Variants in ATM observed in about 807,000 individuals in gnomAD.
The protein encoded by ATM is serine-protein kinase ATM.
A neutral mutation model predicts 387.0 loss-of-function variants in ATM; 308 were observed. The observed-to-expected ratio is 0.80, with a 90% confidence interval of 0.73 to 0.87. ATM has a LOEUF of 0.87. Ranked by LOEUF, ATM falls within the 40% of genes least tolerant of loss-of-function variation. The pLI, the probability that ATM is intolerant of heterozygous loss-of-function variation, is 0.00. For synonymous variants in ATM, 1,156 were observed against 1,187.3 expected, an observed-to-expected ratio of 0.97 and a Z score of 0.54; for missense variants, 3,312 against 3,560.9, an observed-to-expected ratio of 0.93 and a Z score of 1.78.
chr11:108,305,691 A>G (rs1391911268), intron 37 of ATM, among the ~76,000 whole-genome samples: 1 of 152,168 alleles, frequency 6.6e-6, no homozygotes, highest in African/African-American at 2.4e-5. Context: ...CTTATAACCT[A>G]CTTTCCTTCT....
At chr11:108,250,619 A>G in intron 9 of ATM, 82 bp from the exon 10 acceptor site, 1 of 1,390,046 alleles carries the variant, frequency 7.2e-7, no homozygotes, top group Non-Finnish European at 1.0e-6. Context: ...GGATATTGTA[A>G]GAGTACCATG....
In ATM at chr11:108,325,408, TGG is replaced by T; in HGVS notation, c.6672_6673del (p.Met2224IlefsTer24). 1 of 1,613,858 alleles carries T rather than the reference TGG, an allele frequency of 6.2e-7. No individual in the cohort carries two copies. Among genetic ancestry groups the T allele is most frequent in the Middle Eastern group, 1.7e-4 (1 of 6,058 alleles). On this transcript the variant is annotated frameshift_variant, in exon 46 of 63. Coordinates refer to ENST00000675843, the MANE Select transcript of ATM (RefSeq NM_000051.4). LOFTEE classifies it high-confidence loss of function. ...GATTTTAGTTTTCAGGAGCCTATCA[TGG>T]CTCTACGCACAGTCATTTTGGAGAT...
rs1350528190 is a variant in ATM, at chr11:108,250,742, G to A, written c.1277G>A (p.Ser426Asn). Reference sequence around the variant, plus strand: ...CAATTAATATCAAAGTATCCTGCAAGTTTACCTAACTGTGAGCTGTCTCCA... The same window carrying A: ...CAATTAATATCAAAGTATCCTGCAAATTTACCTAACTGTGAGCTGTCTCCA... ...ATQLISKYPA[S>N]LPNCELSPLL... Residue 426 changes from serine to asparagine, a missense_variant, in exon 10 of 63, where the codon AGT (serine) becomes AAT (asparagine). Physicochemically the swap from Ser to Asn is conservative, Grantham distance 46. Coordinates refer to ENST00000675843, the MANE Select transcript of ATM (RefSeq NM_000051.4). 6.2e-7 allele frequency: 1 copy of A among 1,606,740 alleles called. No homozygotes were observed. Among genetic ancestry groups the A allele is most frequent in the Admixed American group, 1.7e-5 (1 of 59,328 alleles).
chr11:108,333,359 G>C (rs1242787044), intron 53 of ATM, among the ~76,000 whole-genome samples: 1 of 152,070 alleles, frequency 6.6e-6, no homozygotes, highest in Non-Finnish European at 1.5e-5. Context: ...ATAATTACAA[G>C]CTGCTATATA....
At chr11:108,327,169 C>A (rs1404539674) in intron 47 of ATM, among the ~76,000 whole-genome samples, 1 of 152,152 alleles carries the variant, frequency 6.6e-6, no homozygotes, top group East Asian at 1.9e-4. Context: ...TGTATAGCAT[C>A]TTCTGTTATT....
chr11:108,304,489 T>G (rs1389738004), intron 36 of ATM, among the ~76,000 whole-genome samples, 186 bp from the exon 37 acceptor site: 3 of 152,186 alleles, frequency 2.0e-5, no homozygotes, highest in Non-Finnish European at 4.4e-5. Flanking sequence ...CTAGTGTGGT[T>G]TTTTAAACAC....
At chr11:108,345,968 G>T (rs1476557809) in intron 58 of ATM, 60 bp downstream of exon 58, 4 of 1,592,556 alleles carry the variant, frequency 2.5e-6, no homozygotes, top group South Asian at 2.2e-5. Flanking sequence ...TTTTATTTTT[G>T]TTTGATTCAG....
At chr11:108,346,298 TATC>T (rs1223798883) in intron 58 of ATM, among the ~76,000 whole-genome samples, 1 of 151,906 alleles carries the variant, frequency 6.6e-6, no homozygotes, top group East Asian at 1.9e-4. Flanking sequence ...AACCTCTAAA[TATC>T]ATCACCTAGT....
rs1167770412 is a variant in ATM, at chr11:108,289,892, G to A, written c.4436+91G>A. 2.7e-5 allele frequency: 34 copies of A among 1,277,534 alleles called. No homozygotes were observed. The Admixed American group carries it at 6.6e-4, about 25-fold the overall frequency. 79.1% of individuals were successfully genotyped at this position (1,277,534 alleles called of 1,614,324 possible). A position where few individuals can be genotyped will look rare whatever the true frequency, so the allele number is the denominator to read the frequency against. ...TTGTTTTGTTTTGTTTTGAGACAAA[G>A]ACTCACTCTGTCCGCCCAGGCTGGG... On this transcript the variant is annotated intron_variant, in intron 29 of 62. Coordinates refer to ENST00000675843, the MANE Select transcript of ATM (RefSeq NM_000051.4).
At chr11:108,354,047 A>G (rs1320114784) in intron 60 of ATM, among the ~76,000 whole-genome samples, 167 bp downstream of exon 60, 1 of 142,894 alleles carries the variant, frequency 7.0e-6, no homozygotes, top group Non-Finnish European at 1.5e-5. Context: ...AAGACCCTGT[A>G]TCTAAAAAAA....
chr11:108,271,517 C>A, intron 20 of ATM, 111 bp downstream of exon 20: 1 of 1,268,622 alleles, frequency 7.9e-7, no homozygotes, highest in East Asian at 2.3e-5. Context: ...ATAGCTAATA[C>A]ATCTTTTAAG....
At chr11:108,359,260 T>C (rs1192926082) in intron 61 of ATM, among the ~76,000 whole-genome samples, 1 of 151,496 alleles carries the variant, frequency 6.6e-6, no homozygotes, top group Admixed American at 6.6e-5. Context: ...CCTAAATATA[T>C]ATGCACCCAA....
In ATM at chr11:108,301,777, A is replaced by AAGACCT; in HGVS notation, c.5307_5308insAGACCT (p.Thr1769_Ser1770insArgPro). The AAGACCT allele has an allele frequency of 6.2e-7, 1 of 1,613,572 alleles. No homozygotes were observed. The highest frequency in any genetic ancestry group is 8.5e-7 in the Non-Finnish European group (1 of 1,179,658). On this transcript the variant is annotated inframe_insertion, in exon 35 of 63. Coordinates refer to ENST00000675843, the MANE Select transcript of ATM (RefSeq NM_000051.4). ...TGGCCTATCTACAGCCTTTTAGAAC[A>AAGACCT]TCAAGAAAAAAGGTCTCTTAAGTAA...
At chr11:108,349,080 A>G (rs552791174) in intron 59 of ATM, among the ~76,000 whole-genome samples, 1 of 152,316 alleles carries the variant, frequency 6.6e-6, no homozygotes, top group South Asian at 2.1e-4. Context: ...AGACCTAAAG[A>G]TGAAATCATA....
intron 61 of ATM, among the ~76,000 whole-genome samples, chr11:108,357,142 G>GA (rs2090062591): frequency 6.6e-6 from 1 of 152,256 alleles, no homozygotes; most frequent in South Asian, 2.1e-4. Flanking sequence ...GGAAGCGCAA[G>GA]GGTCAGGGAG....
Position 108,271,077 on chromosome 11 carries a change from T to C in ATM, c.2852T>C (p.Leu951Ser), listed in dbSNP as rs766405101. 3 of 1,614,016 alleles carry C rather than the reference T, an allele frequency of 1.9e-6. No homozygotes were observed. The South Asian group carries it at 3.3e-5, about 18-fold the overall frequency. The change falls in exon 19 of 63, where the codon TTA becomes TCA. Residue 951 changes from leucine to serine, a missense_variant. Transcript: ENST00000675843. ...SLHLHMYLML[L>S]KELPGEEYPL... ...CTACCATCTTAGTATCTAATGCTTT[T>C]AAAGGAGCTTCCTGGAGAAGAGTAC...
intron 20 of ATM, 92 bp from the exon 21 acceptor site, chr11:108,272,440 A>C: frequency 9.4e-7 from 1 of 1,061,414 alleles, no homozygotes; most frequent in South Asian, 1.3e-5. Context: ...AGAAAGACAT[A>C]TTGGAAGTAA....
chr11:108,363,133 A>G (rs1175157937), intron 61 of ATM, among the ~76,000 whole-genome samples: 1 of 152,202 alleles, frequency 6.6e-6, no homozygotes, highest in Non-Finnish European at 1.5e-5. Context: ...ATCTTACCAC[A>G]GTAAGACCCT....
At chr11:108,353,597 T>C (rs1382757541) in intron 59 of ATM, among the ~76,000 whole-genome samples, 169 bp from the exon 60 acceptor site, 4 of 152,184 alleles carry the variant, frequency 2.6e-5, no homozygotes, top group Non-Finnish European at 4.4e-5. Flanking sequence ...TCACAGACAG[T>C]GACAAAGATG....
Sources: gnomAD v4.1 joint callset for allele counts (sites outside exome capture counted in the v4.1 genomes callset) on GRCh38, gnomAD v4.1.1 for gene constraint, MANE v1.5 for transcripts, NCBI Gene and HGNC (gene_info 2026-07-23, HGNC 2026-07-21) for gene names.